Variants in VAT1L observed in about 807,000 individuals in gnomAD.
The protein encoded by VAT1L is vesicle amine transport 1 like, also known as putative NADPH-dependent quinone oxidoreductase VAT1L.
Under a neutral mutation model 44.1 loss-of-function variants are expected in VAT1L, and 34 were observed. The observed-to-expected ratio is 0.77, with a 90% CI of 0.59 to 1.03. The LOEUF is 1.03. Among genes scored for constraint, VAT1L ranks in the 50% least tolerant of loss-of-function variants. The pLI is 0.00. For synonymous variants in VAT1L, 253 were observed against 202.2 expected, an observed-to-expected ratio of 1.25 and a Z score of -2.13; for missense variants, 615 against 538.8, an observed-to-expected ratio of 1.14 and a Z score of -1.40.
At chr16:77,903,967 A>C (rs1187791900) in intron 7 of VAT1L, among the ~76,000 whole-genome samples, 2 of 151,672 alleles carry the variant, frequency 1.3e-5, no homozygotes, top group Admixed American at 6.6e-5. Context: ...CGATCTCATG[A>C]CCTTGTGATC....
intron 7 of VAT1L, among the ~76,000 whole-genome samples, chr16:77,940,446 C>T (rs1466632639): frequency 6.7e-6 from 1 of 148,592 alleles, no homozygotes; most frequent in African/African-American, 2.5e-5. Flanking sequence ...CGGGTTCAAG[C>T]GATTCTCCTG....
chr16:77,936,172 C>G (rs1458044147), intron 7 of VAT1L, among the ~76,000 whole-genome samples: 1 of 152,166 alleles, frequency 6.6e-6, no homozygotes, highest in Non-Finnish European at 1.5e-5. Flanking sequence ...ACAGGGGGAG[C>G]CATGGCCTGG....
intron 7 of VAT1L, among the ~76,000 whole-genome samples, chr16:77,923,176 C>T (rs966544096): frequency 3.3e-5 from 5 of 152,152 alleles, no homozygotes; most frequent in Admixed American, 6.6e-5. Context: ...TTTGGCTGGG[C>T]GCAGTGGCTC....
intron 1 of VAT1L, among the ~76,000 whole-genome samples, chr16:77,790,532 G>C (rs1315577210): frequency 6.6e-6 from 1 of 152,122 alleles, no homozygotes; most frequent in Non-Finnish European, 1.5e-5. Flanking sequence ...GCTGGTGGAA[G>C]AGCTTTTGCT....
intron 7 of VAT1L, among the ~76,000 whole-genome samples, chr16:77,923,987 A>C (rs965074591): frequency 6.6e-6 from 1 of 151,110 alleles, no homozygotes; most frequent in Non-Finnish European, 1.5e-5. Flanking sequence ...GAGGAAATCT[A>C]TTTATGCAGC....
At chr16:77,919,421 C>A (rs892757936) in intron 7 of VAT1L, among the ~76,000 whole-genome samples, 3 of 152,142 alleles carry the variant, frequency 2.0e-5, no homozygotes, top group African/African-American at 4.8e-5. Flanking sequence ...AACAGTGTTG[C>A]CAGGCAGCCT....
intron 7 of VAT1L, among the ~76,000 whole-genome samples, chr16:77,912,061 T>G (rs1327641710): frequency 2.0e-5 from 3 of 152,204 alleles, no homozygotes; most frequent in Non-Finnish European, 4.4e-5. Context: ...CTTCAGTTCC[T>G]CTAAGGCAGT....
At chr16:77,868,645 C>G (rs1274840992) in intron 4 of VAT1L, among the ~76,000 whole-genome samples, 3 of 152,190 alleles carry the variant, frequency 2.0e-5, no homozygotes, top group Admixed American at 6.5e-5. Context: ...AGCACCCACA[C>G]TGACTCTCAC....
intron 7 of VAT1L, among the ~76,000 whole-genome samples, chr16:77,888,886 G>C (rs2017235577): frequency 6.6e-6 from 1 of 152,150 alleles, no homozygotes; most frequent in South Asian, 2.1e-4. Flanking sequence ...ATAGAAAGGA[G>C]AGAGACAGCT....
In VAT1L at chr16:77,879,299, T is replaced by G. The variant is rs778229453; in HGVS notation, c.882+75T>G. On this transcript the variant is annotated intron_variant, in intron 6 of 8. Coordinates refer to ENST00000302536, the MANE Select transcript of VAT1L (RefSeq NM_020927.3). This position sits in a 1 kb window ranked among gnomAD's most constrained non-coding sequence, Gnocchi z 4.1. Reference sequence around the variant, plus strand: ...TGTTGAGAGCTTTGTTTTTGTTTGTTTGTTTGTTTTGAGACAGCGTCTCGT... The same window carrying G: ...TGTTGAGAGCTTTGTTTTTGTTTGTGTGTTTGTTTTGAGACAGCGTCTCGT... 1 of 1,517,094 alleles carries G rather than the reference T, an allele frequency of 6.6e-7. No homozygotes were observed. Among genetic ancestry groups the G allele is most frequent in the East Asian group, 2.3e-5 (1 of 44,368 alleles). The allele number at this position is 1,517,094 out of a possible 1,614,324, so 94.0% of individuals were successfully genotyped here.
intron 7 of VAT1L, among the ~76,000 whole-genome samples, chr16:77,901,155 T>G (rs1024088588): frequency 9.8e-5 from 2 of 20,378 alleles, no homozygotes; most frequent in Non-Finnish European, 3.4e-4. Context: ...TAGTTTACCT[T>G]TTTTTTTTTT....
At chr16:77,860,916 A>G (rs564983626) in intron 3 of VAT1L, among the ~76,000 whole-genome samples, 2 of 152,356 alleles carry the variant, frequency 1.3e-5, no homozygotes, top group South Asian at 2.1e-4. Flanking sequence ...CAAAATAAGT[A>G]GACAGCATAA....
At chr16:77,908,819 C>A (rs1165979249) in intron 7 of VAT1L, among the ~76,000 whole-genome samples, 2 of 152,016 alleles carry the variant, frequency 1.3e-5, no homozygotes, top group East Asian at 1.9e-4. Context: ...GAGGCTGAGG[C>A]AGGAGCACGG....
chr16:77,816,616 C>T (rs796564624), intron 1 of VAT1L, among the ~76,000 whole-genome samples: 21 of 152,252 alleles, frequency 1.4e-4, no homozygotes, highest in African/African-American at 4.8e-4. Context: ...TAAGCATAAA[C>T]AGGCTCTGAG....
chr16:77,905,742 C>G (rs529647697), intron 7 of VAT1L, among the ~76,000 whole-genome samples: 90 of 152,162 alleles, frequency 5.9e-4, no homozygotes, highest in Non-Finnish European at 1.1e-3. Flanking sequence ...CTCTGACTTT[C>G]ATCACCTGTG....
At chr16:77,902,373 T>G (rs1453531487) in intron 7 of VAT1L, among the ~76,000 whole-genome samples, 2 of 152,246 alleles carry the variant, frequency 1.3e-5, no homozygotes, top group East Asian at 3.9e-4. Context: ...GTAGTTATCT[T>G]GGTAGATGCC....
At chr16:77,975,616 G>C (rs1006597557) in intron 8 of VAT1L, among the ~76,000 whole-genome samples, 15 of 152,184 alleles carry the variant, frequency 9.9e-5, no homozygotes, top group African/African-American at 3.4e-4. Flanking sequence ...CGTGTGGGCA[G>C]CACCCAGGCA....
chr16:77,923,544 C>T (rs1275725281), intron 7 of VAT1L, among the ~76,000 whole-genome samples: 1 of 152,198 alleles, frequency 6.6e-6, no homozygotes, highest in Non-Finnish European at 1.5e-5. Context: ...ATTAAGCCAG[C>T]ATCCTCACCT....
intron 2 of VAT1L, among the ~76,000 whole-genome samples, chr16:77,818,780 A>G (rs2016398914): frequency 6.6e-6 from 1 of 152,326 alleles, no homozygotes; most frequent in South Asian, 2.1e-4. Flanking sequence ...AAAATAAGTC[A>G]CTTACTCGTT....
Sources: gnomAD v4.1 joint callset for allele counts (sites outside exome capture counted in the v4.1 genomes callset) on GRCh38, gnomAD v4.1.1 for gene constraint, Gnocchi (gnomAD v3.1) non-coding constraint, MANE v1.5 for transcripts, NCBI Gene and HGNC (gene_info 2026-07-23, HGNC 2026-07-21) for gene names.